C19orf12: variants seen among roughly 807,000 people sequenced by gnomAD.
C19orf12 encodes chromosome 19 open reading frame 12.
C19orf12 carries 2 observed loss-of-function variants against 3.8 expected under a neutral mutation model. That is an observed-to-expected ratio of 0.53 (90% CI 0.22 to 1.66). The LOEUF (loss-of-function observed/expected upper bound fraction) is 1.66, where lower values mean the gene tolerates loss of function less well. C19orf12 is among the 40% of genes most tolerant of loss of function. The pLI is 0.20. For synonymous variants in C19orf12, 89 were observed against 84.6 expected, an observed-to-expected ratio of 1.05 and a Z score of -0.28; for missense variants, 156 against 188.8, an observed-to-expected ratio of 0.83 and a Z score of 1.02.
chr19:29,712,162 T>G (rs996047357), intron 1 of C19orf12, among the ~76,000 whole-genome samples: 2 of 151,968 alleles, frequency 1.3e-5, no homozygotes, highest in Admixed American at 1.3e-4. Context: ...TCCCAGCACT[T>G]TGGGAAGCCG....
At position 29,700,543 on chromosome 19, in the gene C19orf12, A is replaced by T; in HGVS notation, c.*2169T>A. 1 of 454,150 alleles carries T rather than the reference A, an allele frequency of 2.2e-6. No homozygotes were observed. The highest frequency in any genetic ancestry group is 4.4e-6 in the Non-Finnish European group (1 of 226,800). 28.1% of individuals were successfully genotyped at this position (454,150 alleles called of 1,614,324 possible). A position where few individuals can be genotyped will look rare whatever the true frequency, so the allele number is the denominator to read the frequency against. The stretch of plus-strand genomic sequence containing the variant: ...ATTTGCAGGAAGAGCAGGAATGATC[A>T]GTTCAACAAGAAAAGCCACACTCAG... On this transcript the variant is annotated 3_prime_UTR_variant, in exon 3 of 3. Transcript: ENST00000323670.
chr19:29,708,217 C>T (rs755978822), intron 2 of C19orf12, 37 bp downstream of exon 2: 40 of 1,605,170 alleles, frequency 2.5e-5, no homozygotes, highest in Non-Finnish European at 3.0e-5. Flanking sequence ...TATGACATCC[C>T]CGAGGCTGGC....
At chr19:29,708,486 C>T in intron 1 of C19orf12, 63 bp from the exon 2 acceptor site, 1 of 1,591,482 alleles carries the variant, frequency 6.3e-7, no homozygotes, top group East Asian at 2.2e-5. Context: ...ATCACAATGC[C>T]ACTCTAGTTC....
chr19:29,708,291 G>A lies in C19orf12; in HGVS notation c.123C>T (p.Val41=), dbSNP rs374520604. 5.6e-6 allele frequency: 9 copies of A among 1,612,952 alleles called. No individual in the cohort carries two copies. The highest frequency in any genetic ancestry group is 3.3e-5 in the Admixed American group (2 of 59,962). The part of the protein sequence containing the change: ...GALVTGAMAF[V]GGLVGGPPGL... ...CCGGTGGGCCGCCCACCAAACCCCC[G>A]ACGAAGGCCATGGCCCCTGTGACCA... The change falls in exon 2 of 3, where the codon GTC becomes GTT. Residue 41 remains valine (V), a synonymous_variant. Transcript: ENST00000323670.
upstream of C19orf12, chr19:29,715,305 G>A (rs754202490): frequency 4.1e-5 from 16 of 393,604 alleles, no homozygotes; most frequent in South Asian, 2.8e-4. Context: ...CGGGCCTTCC[G>A]GGAAGCCACG....
At chr19:29,711,039 T>TTG (rs951600323) in intron 1 of C19orf12, among the ~76,000 whole-genome samples, 2 of 140,818 alleles carry the variant, frequency 1.4e-5, no homozygotes, top group African/African-American at 2.7e-5. Flanking sequence ...CAGAGAGGTT[T>TTG]TTTTTTTTTT....
chr19:29,711,036 G>GTTTTTTTTTTT (rs781530564), intron 1 of C19orf12, among the ~76,000 whole-genome samples: 3 of 98,274 alleles, frequency 3.1e-5, no homozygotes, highest in East Asian at 3.7e-4. Flanking sequence ...ATACAGAGAG[G>GTTTTTTTTTTT]TTTTTTTTTT....
rs1350242787 is a variant in C19orf12, at chr19:29,699,521, T to C, written c.*3191A>G. 2.2e-6 allele frequency: 1 copy of C among 450,462 alleles called. No homozygotes were observed. The highest frequency in any genetic ancestry group is 1.6e-5 in the South Asian group (1 of 63,290). 27.9% of individuals were successfully genotyped at this position (450,462 alleles called of 1,614,324 possible). ...AGAAAAAAAGAAAAAAATATATGTG[T>C]ACCTACATAGCATTAAAACAATTGC... On this transcript the variant is annotated 3_prime_UTR_variant, in exon 3 of 3. Coordinates refer to ENST00000323670, the MANE Select transcript of C19orf12 (RefSeq NM_031448.6).
intron 1 of C19orf12, among the ~76,000 whole-genome samples, chr19:29,711,982 C>T (rs988026730): frequency 1.3e-5 from 2 of 152,146 alleles, no homozygotes; most frequent in Non-Finnish European, 2.9e-5. Context: ...AAAAAGCAGC[C>T]TAAGAAGTCG....
chr19:29,705,402 CAAAAA>C (rs34101444), intron 2 of C19orf12: 984 of 110,188 alleles, frequency 8.9e-3, no homozygotes, highest in South Asian at 0.021. Flanking sequence ...ATCCTGAAAC[CAAAAA>C]AAAAAAAAAA....
At chr19:29,714,948 G>A (rs1045222315) in intron 1 of C19orf12, 177 bp downstream of exon 1, 12 of 715,940 alleles carry the variant, frequency 1.7e-5, no homozygotes, top group Non-Finnish European at 2.9e-5. Context: ...TTCTCCATAG[G>A]GACAATGACT....
rs532684706 is a variant in C19orf12 at position 29,714,137 on chromosome 19, C to G, written c.-11+988G>C. Among the ~76,000 whole-genome samples, 9 of 152,174 alleles carry G rather than the reference C, an allele frequency of 5.9e-5. No individual in the cohort carries two copies. In the East Asian group the frequency reaches 1.7e-3, roughly 29 times the overall value. ...AACTGGCCTCAAGCAATTCTTCCGCCTCGGCCTCCCGAGTAGCTGGAACTA... is the reference window on the plus strand; with the variant it reads ...AACTGGCCTCAAGCAATTCTTCCGCGTCGGCCTCCCGAGTAGCTGGAACTA... On this transcript the variant is annotated intron_variant, in intron 1 of 2. Transcript: ENST00000323670.
intron 1 of C19orf12, among the ~76,000 whole-genome samples, chr19:29,713,604 G>A (rs773522627): frequency 3.0e-4 from 46 of 152,068 alleles, no homozygotes; most frequent in Non-Finnish European, 5.6e-4. Flanking sequence ...ATACCCCAGC[G>A]CAAAGGCAGT....
chr19:29,710,592 G>A (rs905114378), intron 1 of C19orf12, among the ~76,000 whole-genome samples: 2 of 152,192 alleles, frequency 1.3e-5, no homozygotes, highest in Non-Finnish European at 2.9e-5. Context: ...TTGCAAACAA[G>A]CACCCCTAGA....
At position 29,715,227 on chromosome 19, in the gene C19orf12, A is replaced by G. The variant is rs896170503; in HGVS notation, c.-113T>C. 1.7e-4 allele frequency: 75 copies of G among 430,036 alleles called. No homozygotes were observed. The highest frequency in any genetic ancestry group is 3.4e-4 in the Admixed American group (9 of 26,546). The allele number at this position is 430,036 out of a possible 1,614,324, so 26.6% of individuals were successfully genotyped here. A position where few individuals can be genotyped will look rare whatever the true frequency, so the allele number is the denominator to read the frequency against. On this transcript the variant is annotated 5_prime_UTR_variant, in exon 1 of 3. Transcript: ENST00000323670. ...CCCGCCCAGCTCCCCAGCCCCGCGG[A>G]GGGTCGCGCAGGCCTTGGTGGCGGC... is the stretch of plus-strand genomic sequence containing the variant.
chr19:29,708,346 G>A lies in C19orf12; in HGVS notation c.68C>T (p.Ala23Val), dbSNP rs544395324. The change falls in exon 2 of 3, where the codon GCG (alanine) becomes GTG (valine). Residue 23 changes from alanine to valine, a missense_variant. Transcript: ENST00000323670. ...ACCCTTCCCAGAGTGCTTGACAGCC[G>A]CCTTCATCTTCCTCTCCCCAGAAAG... is the stretch of plus-strand genomic sequence containing the variant. ...CSLSGERKMK[A>V]AVKHSGKGAL... 69 of 1,614,076 alleles carry A rather than the reference G, an allele frequency of 4.3e-5. No individual in the cohort carries two copies. In the Middle Eastern group the frequency reaches 9.9e-4, roughly 23 times the overall value.
rs1276545682 is a variant in C19orf12 at position 29,701,446 on chromosome 19, T to C, written c.*1266A>G. ...AATGCTATGTAAATATGCTACACCATATTGTTTAGGGAATAATGGCAAGAA... is the reference window on the plus strand; with the variant it reads ...AATGCTATGTAAATATGCTACACCACATTGTTTAGGGAATAATGGCAAGAA... On this transcript the variant is annotated 3_prime_UTR_variant, in exon 3 of 3. Transcript: ENST00000323670. 1 of 454,032 alleles carries C rather than the reference T, an allele frequency of 2.2e-6. No homozygotes were observed. The highest frequency in any genetic ancestry group is 2.0e-5 in the African/African-American group (1 of 50,016). 28.1% of individuals were successfully genotyped at this position (454,032 alleles called of 1,614,324 possible).
Position 29,715,212 on chromosome 19 carries a change from T to G in C19orf12, c.-98A>C. 4.5e-6 allele frequency: 2 copies of G among 443,368 alleles called. No individual in the cohort carries two copies. Among genetic ancestry groups the G allele is most frequent in the Non-Finnish European group, 4.1e-6 (1 of 242,282 alleles). 27.5% of individuals were successfully genotyped at this position (443,368 alleles called of 1,614,324 possible). ...GCAGGCCCCGGGCTCCCCGCCCAGC[T>G]CCCCAGCCCCGCGGAGGGTCGCGCA... On this transcript the variant is annotated 5_prime_UTR_variant, in exon 1 of 3. Transcript: ENST00000323670.
At chr19:29,710,467 C>T (rs1018566759) in intron 1 of C19orf12, among the ~76,000 whole-genome samples, 1 of 152,190 alleles carries the variant, frequency 6.6e-6, no homozygotes, top group African/African-American at 2.4e-5. Context: ...GGGTAAGATT[C>T]TGCATTTCCA....
Sources: allele counts gnomAD v4.1 joint callset (sites outside exome capture counted in the v4.1 genomes callset), GRCh38; gene constraint gnomAD v4.1.1; transcripts MANE v1.5; gene names NCBI Gene and HGNC (gene_info 2026-07-23, HGNC 2026-07-21).